The following NHSL2 variants were observed in gnomAD, a reference collection of about 807,000 sequenced individuals.
NHSL2 encodes NHS like 2.
In NHSL2, 27 loss-of-function variants were observed where a neutral mutation model predicts 53.4. The ratio of observed to expected loss-of-function variants is 0.51; its 90% confidence interval spans 0.37 to 0.70. The LOEUF (loss-of-function observed/expected upper bound fraction) is 0.70. Among genes scored for constraint, NHSL2 ranks in the 30% least tolerant of loss-of-function variants. The pLI, the probability that NHSL2 is intolerant of heterozygous loss-of-function variation, is 0.00. For missense variants in NHSL2, 892 were observed against 980.1 expected, an observed-to-expected ratio of 0.91 and a Z score of 1.20; for synonymous variants, 408 against 404.1, an observed-to-expected ratio of 1.01 and a Z score of -0.12.
chrX:71,999,854 A>G (rs987836187), intron 1 of NHSL2, among the ~76,000 whole-genome samples: 7 of 112,290 alleles, frequency 6.2e-5, no homozygotes, highest in Non-Finnish European at 7.5e-5. Flanking sequence ...TTACTCATTA[A>G]CATAAATGAA....
At chrX:71,981,014 G>A (rs2041975990) in intron 1 of NHSL2, among the ~76,000 whole-genome samples, 1 of 111,930 alleles carries the variant, frequency 8.9e-6, no homozygotes, top group Non-Finnish European at 1.9e-5. Context: ...ATGTACAAAA[G>A]TTAGCTCAAA....
chrX:71,914,042 C>T (rs987000268), intron 1 of NHSL2, among the ~76,000 whole-genome samples: 1 of 112,297 alleles, frequency 8.9e-6, no homozygotes, highest in Non-Finnish European at 1.9e-5. Flanking sequence ...TTGAGACTGC[C>T]CTAAAAGCTC....
chrX:72,114,065 A>G (rs1049048104), intron 1 of NHSL2, among the ~76,000 whole-genome samples: 8 of 112,300 alleles, frequency 7.1e-5, no homozygotes, highest in African/African-American at 2.6e-4. Context: ...CCACAAAACA[A>G]TGTTTACAGT....
At chrX:71,944,360 A>G (rs2041782694) in intron 1 of NHSL2, among the ~76,000 whole-genome samples, 1 of 112,428 alleles carries the variant, frequency 8.9e-6, no homozygotes, top group African/African-American at 3.2e-5. Flanking sequence ...AAAGAGCTCA[A>G]TAAAGACCAG....
chrX:72,130,172 C>G (rs764230784), intron 1 of NHSL2: 17 of 1,210,828 alleles, frequency 1.4e-5, no homozygotes, highest in Non-Finnish European at 1.9e-5. Flanking sequence ...TGGGCCTCAT[C>G]CAGTGGCTCC....
chrX:72,087,082 A>G (rs939761156), intron 1 of NHSL2, among the ~76,000 whole-genome samples: 3 of 112,065 alleles, frequency 2.7e-5, no homozygotes, highest in African/African-American at 9.7e-5. Flanking sequence ...ATTATTGACA[A>G]TAGCTGAAAG....
At chrX:72,052,236 G>A (rs1427306758) in intron 1 of NHSL2, among the ~76,000 whole-genome samples, 2 of 111,971 alleles carry the variant, frequency 1.8e-5, no homozygotes, top group African/African-American at 6.5e-5. Flanking sequence ...GGTGACATGC[G>A]TGGTTATCAT....
rs2041865606 is a variant in NHSL2 at position 71,961,157 on chromosome X, G to A, written c.280+49790G>A. On this transcript the variant is annotated intron_variant, in intron 1 of 7. Coordinates refer to ENST00000633930, the MANE Select transcript of NHSL2 (RefSeq NM_001013627.3). ...TTTTGATGCTATTGTAAGTGGAATT[G>A]TTTTCTTAATGTCATTTTTGATTGT... Among the ~76,000 whole-genome samples, 5 of 111,654 alleles carry A rather than the reference G, an allele frequency of 4.5e-5. No individual in the cohort carries two copies. The South Asian group carries it at 1.9e-3, about 42-fold the overall frequency.
At chrX:71,969,408 G>T (rs1357145052) in intron 1 of NHSL2, among the ~76,000 whole-genome samples, 2 of 107,790 alleles carry the variant, frequency 1.9e-5, no homozygotes, top group African/African-American at 6.8e-5. Flanking sequence ...CACCGCCTGG[G>T]TTCAAGCGAT....
chrX:72,096,545 A>G (rs2041945273), intron 1 of NHSL2, among the ~76,000 whole-genome samples: 1 of 112,411 alleles, frequency 8.9e-6, no homozygotes, highest in Non-Finnish European at 1.9e-5. Flanking sequence ...ATGGCATTCT[A>G]GCTTTATGTT....
At chrX:71,972,698 T>C (rs2041930627) in intron 1 of NHSL2, among the ~76,000 whole-genome samples, 1 of 112,040 alleles carries the variant, frequency 8.9e-6, no homozygotes, top group African/African-American at 3.2e-5. Flanking sequence ...AGTATTTCAT[T>C]AAATATTTTG....
At chrX:71,947,948 C>G (rs1215171496) in intron 1 of NHSL2, among the ~76,000 whole-genome samples, 1 of 111,238 alleles carries the variant, frequency 9.0e-6, no homozygotes, top group African/African-American at 3.3e-5. Context: ...GCAGTGTACA[C>G]TGCTCTGGTG....
At position 72,130,494 on chromosome X, in the gene NHSL2, G is replaced by GTCTTCATCTTCACTGTAGTAC. The variant is rs773197783; in HGVS notation, c.281-1570_281-1550dup. On this transcript the variant is annotated intron_variant, in intron 1 of 7. Transcript: ENST00000633930. ...GAAGCCTGTGCCTGCGTGCCTCTTG[G>GTCTTCATCTTCACTGTAGTAC]TCTTCATCTTCACTGTAGTACTCTT... is the stretch of plus-strand genomic sequence containing the variant. 12 of 1,210,822 alleles carry GTCTTCATCTTCACTGTAGTAC rather than the reference G, an allele frequency of 9.9e-6. No homozygotes were observed. The South Asian group carries it at 2.1e-4, about 21-fold the overall frequency.
At chrX:72,071,206 A>C (rs762325025) in intron 1 of NHSL2, among the ~76,000 whole-genome samples, 27 of 111,887 alleles carry the variant, frequency 2.4e-4, no homozygotes, top group Non-Finnish European at 4.1e-4. Context: ...ACTGAGCCAA[A>C]GAATAAAAAT....
intron 1 of NHSL2, among the ~76,000 whole-genome samples, chrX:72,012,416 G>T (rs2042119712): frequency 8.9e-6 from 1 of 112,261 alleles, no homozygotes; most frequent in South Asian, 3.6e-4. Context: ...CTTAAGGTGT[G>T]GGCAGGGTTG....
chrX:71,996,691 T>C, intron 1 of NHSL2, among the ~76,000 whole-genome samples: 1 of 112,284 alleles, frequency 8.9e-6, no homozygotes. Flanking sequence ...CTGCCCAAGG[T>C]CCCATGCAGG....
rs776378915 is a variant in NHSL2, at chrX:71,989,221, C to T, written c.280+77854C>T. 1.1e-4 allele frequency among the ~76,000 whole-genome samples: 12 copies of T among 109,251 alleles called. No homozygotes were observed. The South Asian group carries it at 1.6e-3, about 15-fold the overall frequency. The allele number at this position is 109,251 out of a possible 115,157, so 94.9% of individuals were successfully genotyped here. ...AAAATTAGCCGGGCGTGGTGGCACGCGCCTATAGTGCCAGCTACTCGGGAG... is the reference window on the plus strand; with the variant it reads ...AAAATTAGCCGGGCGTGGTGGCACGTGCCTATAGTGCCAGCTACTCGGGAG... On this transcript the variant is annotated intron_variant, in intron 1 of 7. Transcript: ENST00000633930.
intron 1 of NHSL2, among the ~76,000 whole-genome samples, chrX:72,031,056 C>T (rs936873320): frequency 8.9e-6 from 1 of 111,842 alleles, no homozygotes; most frequent in Non-Finnish European, 1.9e-5. Context: ...ATGAGTAAAC[C>T]ATGGTTCTAT....
At chrX:72,100,440 T>G (rs1340477311) in intron 1 of NHSL2, among the ~76,000 whole-genome samples, 1 of 112,285 alleles carries the variant, frequency 8.9e-6, no homozygotes, top group Non-Finnish European at 1.9e-5. Flanking sequence ...TGGTATCATC[T>G]AATGGGGCCA....
Sources: allele counts gnomAD v4.1 joint callset (sites outside exome capture counted in the v4.1 genomes callset), GRCh38; gene constraint gnomAD v4.1.1; transcripts MANE v1.5; gene names NCBI Gene and HGNC (gene_info 2026-07-23, HGNC 2026-07-21).